Variants in PDE8B observed in about 807,000 individuals in gnomAD.
PDE8B encodes the protein high affinity cAMP-specific and IBMX-insensitive 3',5'-cyclic phosphodiesterase 8B.
A neutral mutation model predicts 101.3 loss-of-function variants in PDE8B; 26 were observed. The ratio of observed to expected loss-of-function variants is 0.26; its 90% confidence interval spans 0.19 to 0.36. The LOEUF is 0.36. PDE8B is among the 10% of genes least tolerant of loss of function. The probability of loss-of-function intolerance (pLI) is 1.00; values close to 1 mark genes in which losing one functional copy is unlikely to be tolerated. For missense variants in PDE8B, 810 were observed against 1,163.1 expected (o/e 0.70, Z 4.42); for synonymous variants, 424 against 429.3 (o/e 0.99, Z 0.15).
chr5:77,264,347 T>C (rs1355477291), intron 1 of PDE8B, among the ~76,000 whole-genome samples: 1 of 152,254 alleles, frequency 6.6e-6, no homozygotes, highest in Non-Finnish European at 1.5e-5. Context: ...CTGCCTGTTT[T>C]GCAAAACAGT....
chr5:77,279,877 G>A (rs181672907), intron 1 of PDE8B, among the ~76,000 whole-genome samples: 70 of 152,302 alleles, frequency 4.6e-4, no homozygotes, highest in African/African-American at 1.5e-3. Flanking sequence ...CAAGTGAGGC[G>A]AGGGAGGCAG....
Position 77,210,909 on chromosome 5 carries a change from G to C in PDE8B, c.-17G>C. On this transcript the variant is annotated 5_prime_UTR_variant, in exon 1 of 22. Coordinates refer to ENST00000264917, the MANE Select transcript of PDE8B (RefSeq NM_003719.5). The surrounding 1 kb of genome is among the most constrained non-coding windows in gnomAD (Gnocchi z 4.9). ...GCCGCGGGCGCGGGCGGGCGCGCGG[G>C]GGAGCCCGGCCGAGGGATGGGCTGC... The C allele has an allele frequency of 3.0e-6, 4 of 1,350,860 alleles. No homozygotes were observed. The highest frequency in any genetic ancestry group is 2.9e-6 in the Non-Finnish European group (3 of 1,052,094). 83.7% of individuals were successfully genotyped at this position (1,350,860 alleles called of 1,614,324 possible). A position where few individuals can be genotyped will look rare whatever the true frequency, so the allele number is the denominator to read the frequency against.
At chr5:77,095,417 G>A in the PDE8B span, among the ~76,000 whole-genome samples, 2 of 152,290 alleles carry the variant, frequency 1.3e-5, no homozygotes, top group East Asian at 3.9e-4. Context: ...TTCATCTCCT[G>A]TTCCAATTCT....
At position 77,325,627 on chromosome 5, in the gene PDE8B, G is replaced by C; in HGVS notation, c.488G>C (p.Arg163Pro). 7 of 1,613,224 alleles carry C rather than the reference G, an allele frequency of 4.3e-6. No individual in the cohort carries two copies. Among genetic ancestry groups the C allele is most frequent in the Non-Finnish European group, 5.9e-6 (7 of 1,179,254 alleles). ...DRAGYRCNIARTPESALECFL... is the reference protein window; with the variant it reads ...DRAGYRCNIAPTPESALECFL... ...GCTGGTTATAGATGCAATATTGCTC[G>C]GACTCCAGAGTCAGCCCTTGAATGC... Residue 163 changes from arginine to proline, a missense_variant, in exon 3 of 22, where the codon CGG becomes CCG. Arg to Pro is a moderately radical substitution (Grantham distance 103). This residue lies in a region of PDE8B where 251 missense variants were observed against 378.8 expected (regional missense o/e 0.66). Transcript: ENST00000264917.
At chr5:77,334,724 A>T (rs1777798174) in intron 5 of PDE8B, among the ~76,000 whole-genome samples, 1 of 152,234 alleles carries the variant, frequency 6.6e-6, no homozygotes, top group Non-Finnish European at 1.5e-5. Flanking sequence ...GCCAGAGCTC[A>T]CACTCATGAC....
chr5:77,195,787 A>T, the PDE8B span, among the ~76,000 whole-genome samples: 1 of 152,174 alleles, frequency 6.6e-6, no homozygotes, highest in African/African-American at 2.4e-5. Flanking sequence ...GGGAAAATAT[A>T]TTTACTATTC....
intron 10 of PDE8B, among the ~76,000 whole-genome samples, chr5:77,373,793 G>T (rs986627178): frequency 6.6e-6 from 1 of 152,034 alleles, no homozygotes; most frequent in Non-Finnish European, 1.5e-5. Context: ...TATTATTCTA[G>T]TGCATTAGCT....
the PDE8B span, among the ~76,000 whole-genome samples, chr5:77,125,938 A>C: frequency 6.6e-6 from 1 of 152,230 alleles, no homozygotes; most frequent in Admixed American, 6.5e-5. Flanking sequence ...CTGTACACTT[A>C]AAATGGCAAA....
chr5:77,093,553 C>G, the PDE8B span, among the ~76,000 whole-genome samples: 1 of 152,168 alleles, frequency 6.6e-6, no homozygotes, highest in African/African-American at 2.4e-5. Context: ...CTTTGCTCAA[C>G]TAAAATTTTT....
the PDE8B span, among the ~76,000 whole-genome samples, chr5:77,142,624 G>T: frequency 1.3e-5 from 2 of 152,012 alleles, no homozygotes; most frequent in African/African-American, 2.4e-5. Flanking sequence ...AAACAATCTG[G>T]GGCATATAAT....
At chr5:77,105,829 A>G in the PDE8B span, 1 of 152,212 alleles carries the variant, frequency 6.6e-6, no homozygotes, top group African/African-American at 2.4e-5. Context: ...CTGTCTCTTT[A>G]ATTTTGGTTG....
At chr5:77,169,764 AGT>A in the PDE8B span, among the ~76,000 whole-genome samples, 1 of 152,110 alleles carries the variant, frequency 6.6e-6, no homozygotes, top group Admixed American at 6.5e-5. Context: ...ACACACCTCC[AGT>A]GTGTCTAAGA....
intron 10 of PDE8B, among the ~76,000 whole-genome samples, chr5:77,382,385 A>G (rs1217924709): frequency 6.6e-6 from 1 of 152,252 alleles, no homozygotes; most frequent in African/African-American, 2.4e-5. Flanking sequence ...TAGAAGTTAC[A>G]TACAGCAAAA....
chr5:77,325,471 T>A, intron 2 of PDE8B, 68 bp from the exon 3 acceptor site: 1 of 1,453,028 alleles, frequency 6.9e-7, no homozygotes, highest in South Asian at 1.1e-5. Flanking sequence ...GCCTGGCCAC[T>A]AGGCTTGTTT....
At chr5:77,248,926 AG>A (rs1245402346) in intron 1 of PDE8B, among the ~76,000 whole-genome samples, 1 of 152,252 alleles carries the variant, frequency 6.6e-6, no homozygotes, top group Non-Finnish European at 1.5e-5. Flanking sequence ...GCAAGAAGAC[AG>A]CCATCTGTAA....
intron 6 of PDE8B, among the ~76,000 whole-genome samples, chr5:77,341,117 T>A (rs891715136): frequency 6.6e-6 from 1 of 152,130 alleles, no homozygotes; most frequent in Non-Finnish European, 1.5e-5. Context: ...GTATGAATAA[T>A]TAATACAAGC....
At position 77,425,753 on chromosome 5, in the gene PDE8B, GT is replaced by G; in HGVS notation, c.2419-8del. The G allele has an allele frequency of 1.9e-6, 3 of 1,613,648 alleles. No homozygotes were observed. The highest frequency in any genetic ancestry group is 2.5e-6 in the Non-Finnish European group (3 of 1,179,578). ...GCATGTCCTCCAGCCCTATGTGGTG[GT>G]TTTTTCTTACAGACTGATGAAGAGA... On this transcript the variant is annotated splice_polypyrimidine_tract_variant and intron_variant, in intron 20 of 21. Coordinates refer to ENST00000264917, the MANE Select transcript of PDE8B (RefSeq NM_003719.5).
the PDE8B span, among the ~76,000 whole-genome samples, chr5:77,110,474 A>T: frequency 2.0e-5 from 3 of 152,176 alleles, no homozygotes; most frequent in Non-Finnish European, 4.4e-5. Context: ...CTCTGAATAG[A>T]TTTGCACTGG....
At chr5:77,197,166 G>A in the PDE8B span, among the ~76,000 whole-genome samples, 1 of 148,334 alleles carries the variant, frequency 6.7e-6, no homozygotes, top group African/African-American at 2.5e-5. Flanking sequence ...AGGCTGGAGG[G>A]CAGTGGCATG....
Sources: allele counts gnomAD v4.1 joint callset (sites outside exome capture counted in the v4.1 genomes callset), GRCh38; gene constraint gnomAD v4.1.1; regional missense constraint gnomAD v4.1.1; non-coding constraint Gnocchi (gnomAD v3.1); transcripts MANE v1.5; gene names NCBI Gene and HGNC (gene_info 2026-07-23, HGNC 2026-07-21).